The following SLC44A5 variants were observed in gnomAD, a reference collection of about 807,000 sequenced individuals.
The protein encoded by SLC44A5 is solute carrier family 44 member 5.
A neutral mutation model predicts 101.8 loss-of-function variants in SLC44A5; 57 were observed. The ratio of observed to expected loss-of-function variants is 0.56; its 90% CI spans 0.45 to 0.70. The LOEUF (loss-of-function observed/expected upper bound fraction) is 0.70. Ranked by LOEUF, SLC44A5 falls within the 30% of genes least tolerant of loss-of-function variation. The pLI is 0.00. For missense variants in SLC44A5, 737 were observed against 853.1 expected (o/e 0.86, Z 1.70); for synonymous variants, 281 against 290.9 (o/e 0.97, Z 0.35).
At chr1:75,500,988 TTACAATA>T (rs1211942401) in intron 2 of SLC44A5, among the ~76,000 whole-genome samples, 4 of 152,160 alleles carry the variant, frequency 2.6e-5, no homozygotes, top group African/African-American at 9.7e-5. Context: ...CATAACAATA[TTACAATA>T]TACACAATAT....
At chr1:75,222,571 C>G in intron 13 of SLC44A5, 111 bp from the exon 14 acceptor site, 1 of 633,146 alleles carries the variant, frequency 1.6e-6, no homozygotes, top group Non-Finnish European at 2.8e-6. Flanking sequence ...ATTCTGACAC[C>G]TCATAATCTA....
intron 9 of SLC44A5, 58 bp downstream of exon 9, chr1:75,241,943 T>A: frequency 1.4e-6 from 2 of 1,439,824 alleles, no homozygotes; most frequent in African/African-American, 2.8e-5. Flanking sequence ...TACGGGAACT[T>A]AATTAAGTAG....
chr1:75,253,558 G>A (rs1175066591), intron 6 of SLC44A5, among the ~76,000 whole-genome samples: 1 of 152,138 alleles, frequency 6.6e-6, no homozygotes, highest in Non-Finnish European at 1.5e-5. Flanking sequence ...GTGCTAACTT[G>A]GCTATTTCAC....
chr1:75,675,358 A>AGG, the SLC44A5 span, among the ~76,000 whole-genome samples: 1 of 151,736 alleles, frequency 6.6e-6, no homozygotes, highest in African/African-American at 2.4e-5. Flanking sequence ...TAGGTGTTTT[A>AGG]TTCTCTTTGT....
chr1:75,450,523 C>G (rs1367325354), intron 2 of SLC44A5, among the ~76,000 whole-genome samples: 2 of 152,188 alleles, frequency 1.3e-5, no homozygotes, highest in Non-Finnish European at 2.9e-5. Flanking sequence ...GTGGAACACA[C>G]CTCAGTAGTA....
At chr1:75,659,674 C>G in the SLC44A5 span, among the ~76,000 whole-genome samples, 1 of 147,472 alleles carries the variant, frequency 6.8e-6, no homozygotes, top group Non-Finnish European at 1.5e-5. Context: ...GTAGCACGTA[C>G]CTGTAGTCCC....
intron 2 of SLC44A5, among the ~76,000 whole-genome samples, chr1:75,505,404 G>C (rs185377863): frequency 6.6e-6 from 1 of 152,012 alleles, no homozygotes; most frequent in African/African-American, 2.4e-5. Flanking sequence ...TTGTAGTTCC[G>C]TTTTAAGTTC....
intron 6 of SLC44A5, among the ~76,000 whole-genome samples, chr1:75,252,545 T>G (rs1196241253): frequency 6.6e-6 from 1 of 152,198 alleles, no homozygotes; most frequent in African/African-American, 2.4e-5. Flanking sequence ...CCTACAATCC[T>G]CACTGAGGAG....
chr1:75,482,791 TA>T (rs1238612762), intron 2 of SLC44A5, among the ~76,000 whole-genome samples: 8 of 152,206 alleles, frequency 5.3e-5, no homozygotes, highest in Admixed American at 3.9e-4. Context: ...TATTTTGTTT[TA>T]AAAAGTAAAG....
chr1:75,228,455 T>G (rs986118778), intron 12 of SLC44A5, among the ~76,000 whole-genome samples: 20 of 152,254 alleles, frequency 1.3e-4, no homozygotes, highest in African/African-American at 4.8e-4. Flanking sequence ...GTTGTATAAC[T>G]TTTATAAATA....
At chr1:75,699,838 A>T in the SLC44A5 span, among the ~76,000 whole-genome samples, 1 of 152,136 alleles carries the variant, frequency 6.6e-6, no homozygotes, top group African/African-American at 2.4e-5. Flanking sequence ...AAAACAAAAA[A>T]AGGCAGGGGT....
intron 5 of SLC44A5, among the ~76,000 whole-genome samples, chr1:75,291,492 C>A (rs927728295): frequency 6.6e-5 from 10 of 152,214 alleles, no homozygotes; most frequent in Non-Finnish European, 1.3e-4. Flanking sequence ...AATTCTGACA[C>A]GTGCTACAAA....
chr1:75,702,089 A>G, the SLC44A5 span, among the ~76,000 whole-genome samples: 1 of 152,166 alleles, frequency 6.6e-6, no homozygotes, highest in African/African-American at 2.4e-5. Flanking sequence ...TGCCCAAGGT[A>G]ATTTATAGAT....
chr1:75,400,158 A>G (rs138132757), intron 2 of SLC44A5, among the ~76,000 whole-genome samples: 2 of 152,222 alleles, frequency 1.3e-5, no homozygotes, highest in Admixed American at 6.5e-5. Context: ...TAAAGATGAA[A>G]ACAATAGACA....
chr1:75,214,789 T>C, intron 19 of SLC44A5, 111 bp from the exon 20 acceptor site: 1 of 783,086 alleles, frequency 1.3e-6, no homozygotes, highest in African/African-American at 1.7e-5. Flanking sequence ...TTTGTAGAGC[T>C]ATCTCCACTC....
chr1:75,313,657 G>A (rs1655475060), intron 4 of SLC44A5, among the ~76,000 whole-genome samples: 2 of 152,062 alleles, frequency 1.3e-5, no homozygotes, highest in African/African-American at 4.8e-5. Context: ...ATTTAAGGGA[G>A]CAAAGACAGA....
At chr1:75,657,992 T>G in the SLC44A5 span, among the ~76,000 whole-genome samples, 67 of 152,206 alleles carry the variant, frequency 4.4e-4, no homozygotes, top group Non-Finnish European at 9.3e-4. Flanking sequence ...TGCAAACTGT[T>G]GCATAATACA....
chr1:75,667,569 A>G, the SLC44A5 span, among the ~76,000 whole-genome samples: 35,758 of 152,040 alleles, frequency 0.24, 4,564 homozygotes, highest in Non-Finnish European at 0.3. Flanking sequence ...ACAGAATTGG[A>G]AAAAAATACT....
At chr1:75,692,978 G>T in the SLC44A5 span, among the ~76,000 whole-genome samples, 170 of 152,222 alleles carry the variant, frequency 1.1e-3, 1 homozygote, top group African/African-American at 3.9e-3. Flanking sequence ...ACTGTTGAAG[G>T]TATATGCAAA....
Sources: gnomAD v4.1 joint callset for allele counts (sites outside exome capture counted in the v4.1 genomes callset) on GRCh38, gnomAD v4.1.1 for gene constraint, MANE v1.5 for transcripts, NCBI Gene and HGNC (gene_info 2026-07-23, HGNC 2026-07-21) for gene names.